Variants in WWOX observed in about 807,000 individuals in gnomAD.
WWOX encodes the protein WW domain-containing oxidoreductase.
WWOX carries 69 observed loss-of-function variants against 46.2 expected under a neutral mutation model. The observed-to-expected ratio is 1.49, with a 90% CI of 1.23 to 1.82. The LOEUF (loss-of-function observed/expected upper bound fraction) is 1.82, where lower values mean the gene tolerates loss of function less well. Ranked by LOEUF, WWOX falls within the 40% of genes most tolerant of loss-of-function variation. The pLI, the probability that WWOX is intolerant of heterozygous loss-of-function variation, is 0.00. For missense variants in WWOX, 919 were observed against 542.6 expected, an observed-to-expected ratio of 1.69 and a Z score of -6.89; for synonymous variants, 359 against 202.6, an observed-to-expected ratio of 1.77 and a Z score of -6.56.
intron 8 of WWOX, among the ~76,000 whole-genome samples, chr16:78,984,602 A>G (rs1256222532): frequency 1.3e-5 from 2 of 152,230 alleles, no homozygotes; most frequent in African/African-American, 2.4e-5. Flanking sequence ...AGATACTGAC[A>G]TACTTCTACT....
At chr16:78,892,212 A>T (rs1316156822) in intron 8 of WWOX, 2 of 152,182 alleles carry the variant, frequency 1.3e-5, no homozygotes, top group East Asian at 3.9e-4. Flanking sequence ...TGGAAAGAAG[A>T]AGAGGAAGTC....
intron 5 of WWOX, among the ~76,000 whole-genome samples, chr16:78,195,320 A>T (rs1339917739): frequency 6.6e-6 from 1 of 152,058 alleles, no homozygotes; most frequent in Non-Finnish European, 1.5e-5. Context: ...CTACCCTAAG[A>T]CCATGAACTT....
chr16:78,638,668 G>C (rs901684846), intron 8 of WWOX, among the ~76,000 whole-genome samples: 4 of 152,116 alleles, frequency 2.6e-5, no homozygotes, highest in African/African-American at 4.8e-5. Context: ...GGGCGGGGGC[G>C]GTCAGAGGAG....
At chr16:78,477,959 A>G (rs2084392175) in intron 8 of WWOX, among the ~76,000 whole-genome samples, 1 of 152,216 alleles carries the variant, frequency 6.6e-6, no homozygotes, top group African/African-American at 2.4e-5. Flanking sequence ...TTACCAGGGG[A>G]AAGAAAAATA....
chr16:78,538,720 C>G (rs554745793), intron 8 of WWOX, among the ~76,000 whole-genome samples: 7 of 152,152 alleles, frequency 4.6e-5, no homozygotes, highest in African/African-American at 1.2e-4. Context: ...CCAGGTTAAT[C>G]TTATTTCTAA....
At chr16:78,729,678 A>G (rs550172226) in intron 8 of WWOX, among the ~76,000 whole-genome samples, 10 of 152,276 alleles carry the variant, frequency 6.6e-5, no homozygotes, top group African/African-American at 2.2e-4. Flanking sequence ...GAACTGCAAA[A>G]GAACAAGTTT....
intron 8 of WWOX, among the ~76,000 whole-genome samples, chr16:78,511,898 C>CGTTTACTGCTAAAATACCCAGCTACTTCT (rs1377443656): frequency 2.0e-5 from 3 of 152,154 alleles, no homozygotes; most frequent in Non-Finnish European, 4.4e-5. Context: ...TGACATTATC[C>CGTTTACTGCTAAAATACCCAGCTACTTCT]GTTTACTGCT....
At chr16:78,764,136 G>A (rs1026883220) in intron 8 of WWOX, among the ~76,000 whole-genome samples, 4 of 152,116 alleles carry the variant, frequency 2.6e-5, no homozygotes, top group Non-Finnish European at 4.4e-5. Context: ...CACTTTTGCC[G>A]AAAAGTCACT....
chr16:78,812,298 A>T (rs781504955), intron 8 of WWOX, among the ~76,000 whole-genome samples: 2 of 152,202 alleles, frequency 1.3e-5, no homozygotes, highest in Non-Finnish European at 2.9e-5. Flanking sequence ...GCAGCCAGCC[A>T]CAGGCCATCT....
chr16:78,501,430 A>G (rs1487705104), intron 8 of WWOX, among the ~76,000 whole-genome samples: 1 of 151,974 alleles, frequency 6.6e-6, no homozygotes, highest in African/African-American at 2.4e-5. Context: ...AGCCTGCAAA[A>G]TAGCTCACCC....
At chr16:78,429,376 A>C (rs1567568360) in intron 7 of WWOX, among the ~76,000 whole-genome samples, 1 of 152,186 alleles carries the variant, frequency 6.6e-6, no homozygotes, top group East Asian at 1.9e-4. Context: ...TCTGCCTTGC[A>C]TGGCTTCTTT....
intron 8 of WWOX, among the ~76,000 whole-genome samples, chr16:78,688,950 G>GTTT (rs2047924625): frequency 6.6e-6 from 1 of 152,096 alleles, no homozygotes; most frequent in South Asian, 2.1e-4. Context: ...CCTTCCTGCT[G>GTTT]CCGTTTGAAG....
chr16:78,438,276 G>A (rs1033013528), intron 8 of WWOX, among the ~76,000 whole-genome samples: 10 of 152,062 alleles, frequency 6.6e-5, no homozygotes, highest in African/African-American at 1.7e-4. Context: ...CTCATGCAGC[G>A]TGTTCAAGAA....
chr16:78,717,368 C>T (rs1419510836), intron 8 of WWOX, among the ~76,000 whole-genome samples: 1 of 152,146 alleles, frequency 6.6e-6, no homozygotes, highest in African/African-American at 2.4e-5. Context: ...TAATACAATC[C>T]TGCTTAATAT....
chr16:78,355,856 G>A (rs1049238690), intron 5 of WWOX: 3 of 602,576 alleles, frequency 5.0e-6, no homozygotes, highest in Admixed American at 2.1e-5. Flanking sequence ...TGTCCTGTAC[G>A]GAAAACAGGA....
chr16:78,998,962 G>C (rs1303420736), intron 8 of WWOX, among the ~76,000 whole-genome samples: 8 of 152,318 alleles, frequency 5.3e-5, no homozygotes, highest in Non-Finnish European at 1.2e-4. Context: ...GATGGGTGTT[G>C]ACAGATTCCA....
At chr16:78,312,203 T>A (rs182265054) in intron 5 of WWOX, among the ~76,000 whole-genome samples, 3 of 152,264 alleles carry the variant, frequency 2.0e-5, no homozygotes, top group Non-Finnish European at 4.4e-5. Context: ...TAATTCTATC[T>A]GCAACCTTAA....
intron 8 of WWOX, among the ~76,000 whole-genome samples, chr16:78,805,419 C>T (rs1044639492): frequency 8.4e-6 from 1 of 119,582 alleles, no homozygotes; most frequent in East Asian, 2.1e-4. Context: ...CGCCACCTCG[C>T]CTGGCTAATT....
chr16:78,356,340 TTAAAA>T (rs1228103906), intron 5 of WWOX, among the ~76,000 whole-genome samples: 18 of 152,134 alleles, frequency 1.2e-4, no homozygotes, highest in African/African-American at 4.1e-4. Context: ...CTCAACTTGT[TTAAAA>T]TAAGAGCACA....
Sources: allele counts gnomAD v4.1 joint callset (sites outside exome capture counted in the v4.1 genomes callset), GRCh38; gene constraint gnomAD v4.1.1; transcripts MANE v1.5; gene names NCBI Gene and HGNC (gene_info 2026-07-23, HGNC 2026-07-21).